NRXN1: variants seen among roughly 807,000 people sequenced by gnomAD.
NRXN1 encodes neurexin-1.
Under a neutral mutation model 150.9 loss-of-function variants are expected in NRXN1, and 39 were observed. The ratio of observed to expected loss-of-function variants is 0.26; its 90% CI spans 0.20 to 0.34. The LOEUF (loss-of-function observed/expected upper bound fraction) is 0.34, where lower values mean the gene tolerates loss of function less well. Among genes scored for constraint, NRXN1 ranks in the 10% least tolerant of loss-of-function variants. NRXN1 has a pLI of 1.00. For missense variants in NRXN1, 1,815 were observed against 1,949.9 expected (o/e 0.93, Z 1.30); for synonymous variants, 924 against 757.0 (o/e 1.22, Z -3.62).
intron 15 of NRXN1, among the ~76,000 whole-genome samples, chr2:50,487,217 AC>A (rs1558815581): frequency 6.6e-6 from 1 of 152,286 alleles, no homozygotes. Flanking sequence ...ATAGTGATAT[AC>A]CCTGCCTAAG....
intron 5 of NRXN1, among the ~76,000 whole-genome samples, chr2:50,801,357 T>A (rs1707564334): frequency 6.6e-6 from 1 of 152,180 alleles, no homozygotes; most frequent in Non-Finnish European, 1.5e-5. Flanking sequence ...GATGATTATG[T>A]CAATCTGCAA....
chr2:50,174,273 C>T (rs992288076), intron 18 of NRXN1, among the ~76,000 whole-genome samples: 3 of 152,062 alleles, frequency 2.0e-5, no homozygotes, highest in Non-Finnish European at 2.9e-5. Context: ...AGACCCAGTT[C>T]GGCCATTGAC....
intron 5 of NRXN1, among the ~76,000 whole-genome samples, chr2:50,687,739 G>C (rs1691454585): frequency 6.6e-6 from 1 of 152,188 alleles, no homozygotes; most frequent in Non-Finnish European, 1.5e-5. Context: ...TAGGGTTGAG[G>C]TTGTTGTGAG....
chr2:50,615,835 C>CA (rs1678970163), intron 8 of NRXN1: 3 of 152,030 alleles, frequency 2.0e-5, no homozygotes, highest in Admixed American at 2.0e-4. Context: ...AGCAGTCACT[C>CA]AAAAACTGCT....
chr2:50,622,056 TA>T (rs1384776000), intron 6 of NRXN1, among the ~76,000 whole-genome samples: 2 of 151,976 alleles, frequency 1.3e-5, no homozygotes, highest in Admixed American at 6.6e-5. Context: ...GAGAAAAAAT[TA>T]AAAAAGGAAA....
chr2:49,990,638 A>G (rs985746815), intron 21 of NRXN1, among the ~76,000 whole-genome samples: 1 of 152,118 alleles, frequency 6.6e-6, no homozygotes, highest in Non-Finnish European at 1.5e-5. Context: ...AGACTTACTG[A>G]TAACATATCA....
chr2:49,921,671 A>C lies in NRXN1; in HGVS notation c.*273T>G. 1 of 438,114 alleles carries C rather than the reference A, an allele frequency of 2.3e-6. No homozygotes were observed. Among genetic ancestry groups the C allele is most frequent in the Non-Finnish European group, 4.1e-6 (1 of 243,920 alleles). 27.1% of individuals were successfully genotyped at this position (438,114 alleles called of 1,614,324 possible). On this transcript the variant is annotated 3_prime_UTR_variant, in exon 23 of 23. Transcript: ENST00000401669. ...GTGCGGTCATCACTGTCTTTTAGAA[A>C]TGTTCCAGCAACATAAAGACAAGCA...
At chr2:50,726,539 T>A (rs546544303) in intron 5 of NRXN1, among the ~76,000 whole-genome samples, 5 of 152,324 alleles carry the variant, frequency 3.3e-5, no homozygotes, top group African/African-American at 1.2e-4. Flanking sequence ...TGCTACACTG[T>A]TAACTTATTT....
intron 17 of NRXN1, among the ~76,000 whole-genome samples, chr2:50,293,007 A>T (rs1225268673): frequency 2.6e-5 from 4 of 152,194 alleles, no homozygotes; most frequent in Admixed American, 2.6e-4. Context: ...AACTTAAAGG[A>T]ATAAAAACCT....
At chr2:50,254,691 AT>A (rs761964723) in intron 17 of NRXN1, among the ~76,000 whole-genome samples, 2 of 152,132 alleles carry the variant, frequency 1.3e-5, no homozygotes, top group Non-Finnish European at 2.9e-5. Flanking sequence ...AAATAAAAAA[AT>A]ATAACTTTGG....
intron 17 of NRXN1, among the ~76,000 whole-genome samples, chr2:50,284,222 G>T (rs187473841): frequency 6.6e-6 from 1 of 152,158 alleles, no homozygotes. Context: ...TAACATTTCA[G>T]TTCCTTAAAA....
At position 50,528,651 on chromosome 2, in the gene NRXN1, T is replaced by A. The variant is rs752690988; in HGVS notation, c.2348A>T (p.Asp783Val). The part of the protein sequence containing the change: ...AGRVKLTVNL[D>V]CIRINCNSSK... ...GGAATTACAGTTAATCCTGATACAA[T>A]CTAGATGGGGAAGAATAGATGAAAA... Residue 783 changes from aspartate (D) to valine (V), a missense_variant and splice_region_variant, in exon 12 of 23, where the codon GAT becomes GTT. By Grantham distance (152) the Asp-to-Val change is radical. Around this residue, in one of 6 missense-constraint regions of NRXN1, gnomAD observed 638 missense variants for 652.6 expected, o/e 0.98. Coordinates refer to ENST00000401669, the MANE Select transcript of NRXN1 (RefSeq NM_001330078.2). The A allele has an allele frequency of 1.3e-6, 2 of 1,547,988 alleles. No individual in the cohort carries two copies. The highest frequency in any genetic ancestry group is 1.8e-5 in the Admixed American group (1 of 56,716).
rs573794504 is a variant in NRXN1 at position 50,519,530 on chromosome 2, T to C, written c.2374+9095A>G. On this transcript the variant is annotated intron_variant, in intron 12 of 22. Transcript: ENST00000401669. ...AATTAAATCTTAGGCCAAATTAACTTGGTTTATCTGAAGAGACAGTGTGTG... is the reference window on the plus strand; with the variant it reads ...AATTAAATCTTAGGCCAAATTAACTCGGTTTATCTGAAGAGACAGTGTGTG... Among the ~76,000 whole-genome samples, 458 of 152,098 alleles carry C rather than the reference T, an allele frequency of 3.0e-3. 5 individuals carry two copies. Among genetic ancestry groups the C allele is most frequent in the African/African-American group, 0.011 (439 of 41,546 alleles).
chr2:50,273,475 G>T (rs529412300), intron 17 of NRXN1, among the ~76,000 whole-genome samples: 6 of 152,082 alleles, frequency 3.9e-5, no homozygotes, highest in African/African-American at 7.2e-5. Context: ...GAAAGATCTG[G>T]ATGGTTTGTG....
chr2:50,681,142 G>C (rs1322711649), intron 5 of NRXN1, among the ~76,000 whole-genome samples: 1 of 152,174 alleles, frequency 6.6e-6, no homozygotes, highest in Non-Finnish European at 1.5e-5. Flanking sequence ...TTAAGGTGGG[G>C]CAGATAATGC....
At chr2:50,482,817 C>A (rs893048632) in intron 15 of NRXN1, among the ~76,000 whole-genome samples, 2 of 152,060 alleles carry the variant, frequency 1.3e-5, no homozygotes, top group African/African-American at 4.8e-5. Context: ...ATCTGGCCAA[C>A]AGGCGCGGTG....
chr2:50,065,075 G>A (rs569590968), intron 19 of NRXN1, among the ~76,000 whole-genome samples: 132 of 152,238 alleles, frequency 8.7e-4, no homozygotes, highest in African/African-American at 2.3e-3. Flanking sequence ...CAGTTTTTCC[G>A]TATGAAAGTG....
intron 8 of NRXN1, among the ~76,000 whole-genome samples, chr2:50,569,953 A>C (rs1444534903): frequency 1.3e-5 from 2 of 152,190 alleles, no homozygotes; most frequent in Non-Finnish European, 2.9e-5. Flanking sequence ...ATTCAGAATA[A>C]ACACTTGAGA....
In NRXN1 at chr2:50,711,966, G is replaced by A. The variant is rs544528808; in HGVS notation, c.833-88351C>T. ...GACGTGCCAGTCCCCAGAGCTGTGA[G>A]AAATAATTTTCTGTTCATATAAATT... is the stretch of plus-strand genomic sequence containing the variant. On this transcript the variant is annotated intron_variant, in intron 5 of 22. Coordinates refer to ENST00000401669, the MANE Select transcript of NRXN1 (RefSeq NM_001330078.2). 3.3e-5 allele frequency among the ~76,000 whole-genome samples: 5 copies of A among 152,194 alleles called. 1 individual carries two copies. The highest frequency in any genetic ancestry group is 1.2e-4 in the African/African-American group (5 of 41,504).
Sources: gnomAD v4.1 joint callset for allele counts (sites outside exome capture counted in the v4.1 genomes callset) on GRCh38, gnomAD v4.1.1 for gene constraint, gnomAD v4.1.1 regional missense constraint, MANE v1.5 for transcripts, NCBI Gene and HGNC (gene_info 2026-07-23, HGNC 2026-07-21) for gene names.